PRKCQ: variants seen among roughly 807,000 people sequenced by gnomAD.
The protein encoded by PRKCQ is protein kinase C theta.
Under a neutral mutation model 91.2 loss-of-function variants are expected in PRKCQ, and 41 were observed. The observed-to-expected ratio is 0.45, with a 90% CI of 0.35 to 0.58. The LOEUF (loss-of-function observed/expected upper bound fraction) is 0.58, where lower values mean the gene tolerates loss of function less well. PRKCQ is among the 20% of genes least tolerant of loss of function. The pLI, the probability that PRKCQ is intolerant of heterozygous loss-of-function variation, is 0.00. For synonymous variants in PRKCQ, 307 were observed against 316.9 expected, an observed-to-expected ratio of 0.97 and a Z score of 0.33; for missense variants, 673 against 896.5, an observed-to-expected ratio of 0.75 and a Z score of 3.18.
At position 6,507,946 on chromosome 10, in the gene PRKCQ, T is replaced by C. The variant is rs185027866; in HGVS notation, c.319-450A>G. 2.5e-4 allele frequency among the ~76,000 whole-genome samples: 38 copies of C among 152,272 alleles called. No homozygotes were observed. The East Asian group carries it at 6.2e-3, about 25-fold the overall frequency. Reference sequence around the variant, plus strand: ...GCCGCCTCCAGGCCCCTGTCTTCTTTTCTACCTGGGATGCATGTCTAGGTT... The same window carrying C: ...GCCGCCTCCAGGCCCCTGTCTTCTTCTCTACCTGGGATGCATGTCTAGGTT... On this transcript the variant is annotated intron_variant, in intron 3 of 17. Coordinates refer to ENST00000263125, the MANE Select transcript of PRKCQ (RefSeq NM_006257.5).
intron 15 of PRKCQ, among the ~76,000 whole-genome samples, chr10:6,445,850 A>G (rs912123064): frequency 6.6e-6 from 1 of 152,072 alleles, no homozygotes; most frequent in South Asian, 2.1e-4. Context: ...GACACATGCA[A>G]TTTCCGAGAC....
In PRKCQ at chr10:6,576,960, TATAA is replaced by T. The variant is rs1339222544; in HGVS notation, c.-10+3247_-10+3250del. Among the ~76,000 whole-genome samples, 1 of 152,180 alleles carries T rather than the reference TATAA, an allele frequency of 6.6e-6. No individual in the cohort carries two copies. The highest frequency in any genetic ancestry group is 2.4e-5 in the African/African-American group (1 of 41,444). On this transcript the variant is annotated intron_variant, in intron 1 of 17. Transcript: ENST00000263125. This position sits in a 1 kb window ranked among gnomAD's most constrained non-coding sequence, Gnocchi z 4.2. ...AAATGAAGCAGTAATGCCTCTTACATATAAATAAAATTCTGAGTATGATATACAG... is the reference window on the plus strand; with the variant it reads ...AAATGAAGCAGTAATGCCTCTTACATATAAAATTCTGAGTATGATATACAG...
chr10:6,536,433 C>T (rs1839584455), intron 1 of PRKCQ, among the ~76,000 whole-genome samples: 1 of 152,102 alleles, frequency 6.6e-6, no homozygotes, highest in Non-Finnish European at 1.5e-5. Context: ...ACTTGGGAGC[C>T]CTATGACAGC....
At chr10:6,550,197 T>A (rs1273860449) in intron 1 of PRKCQ, among the ~76,000 whole-genome samples, 4 of 152,206 alleles carry the variant, frequency 2.6e-5, no homozygotes, top group African/African-American at 9.7e-5. Context: ...TCACCTAACA[T>A]AATTTCCTCA....
chr10:6,522,233 C>T (rs546429862), intron 1 of PRKCQ, among the ~76,000 whole-genome samples: 2 of 152,164 alleles, frequency 1.3e-5, no homozygotes, highest in African/African-American at 2.4e-5. Flanking sequence ...TGAGCCATCG[C>T]GCCCGGCCCC....
chr10:6,472,487 AT>A (rs772279583), intron 12 of PRKCQ, among the ~76,000 whole-genome samples: 7 of 152,228 alleles, frequency 4.6e-5, no homozygotes, highest in Non-Finnish European at 1.0e-4. Context: ...TGCAACATTA[AT>A]TTCCCATAAA....
chr10:6,501,327 T>C (rs976511123), intron 4 of PRKCQ, among the ~76,000 whole-genome samples: 1 of 152,064 alleles, frequency 6.6e-6, no homozygotes, highest in Non-Finnish European at 1.5e-5. Context: ...AGATGCATAA[T>C]GCAGTATGTC....
At chr10:6,420,284 G>A in the PRKCQ span, among the ~76,000 whole-genome samples, 88 of 152,282 alleles carry the variant, frequency 5.8e-4, no homozygotes, top group African/African-American at 1.9e-3. Flanking sequence ...CCATGCCTTC[G>A]AATCTGTGAG....
chr10:6,437,268 T>C (rs1833741781), intron 16 of PRKCQ, among the ~76,000 whole-genome samples: 1 of 152,166 alleles, frequency 6.6e-6, no homozygotes, highest in Admixed American at 6.5e-5. Context: ...AATGAGGTCA[T>C]GGGGTAAGGT....
chr10:6,437,036 G>T (rs1285922305), intron 16 of PRKCQ, among the ~76,000 whole-genome samples: 1 of 152,158 alleles, frequency 6.6e-6, no homozygotes, highest in African/African-American at 2.4e-5. Context: ...CTCCACCTTG[G>T]GACTCACTTG....
At chr10:6,562,286 G>A (rs533276432) in intron 1 of PRKCQ, among the ~76,000 whole-genome samples, 2 of 152,176 alleles carry the variant, frequency 1.3e-5, no homozygotes, top group Non-Finnish European at 2.9e-5. Flanking sequence ...TCCCTCACAA[G>A]TTTTCCCTGA....
intron 4 of PRKCQ, among the ~76,000 whole-genome samples, chr10:6,500,209 C>T (rs1237540349): frequency 6.6e-6 from 1 of 152,066 alleles, no homozygotes; most frequent in Non-Finnish European, 1.5e-5. Flanking sequence ...CAACTTGTGA[C>T]TAGTATAGTA....
the PRKCQ span, among the ~76,000 whole-genome samples, chr10:6,417,186 G>C: frequency 6.6e-6 from 1 of 152,206 alleles, no homozygotes; most frequent in South Asian, 2.1e-4. Context: ...GGAGAGGGTC[G>C]AGGAGGAAAA....
Position 6,540,752 on chromosome 10 carries a change from A to C in PRKCQ, c.-9-25608T>G, listed in dbSNP as rs544749015. On this transcript the variant is annotated intron_variant, in intron 1 of 17. Transcript: ENST00000263125. ...TCAACTATTTTGAGAATACCCAGGA[A>C]TGGAATTGCTAGATCATGTGGTAAC... Among the ~76,000 whole-genome samples the C allele has an allele frequency of 2.6e-5, 4 of 152,360 alleles. No individual in the cohort carries two copies. In the South Asian group the frequency reaches 6.2e-4, roughly 24 times the overall value.
At chr10:6,534,183 G>T (rs1262647629) in intron 1 of PRKCQ, among the ~76,000 whole-genome samples, 1 of 152,046 alleles carries the variant, frequency 6.6e-6, no homozygotes, top group Non-Finnish European at 1.5e-5. Flanking sequence ...GTTATCAAGG[G>T]CCAATAAAAC....
chr10:6,496,451 C>A (rs1837607969), intron 7 of PRKCQ, among the ~76,000 whole-genome samples: 2 of 152,040 alleles, frequency 1.3e-5, no homozygotes, highest in Non-Finnish European at 2.9e-5. Flanking sequence ...TTATCTCTAA[C>A]CTTGTAAATG....
chr10:6,423,260 C>T (rs940795566), downstream of PRKCQ, among the ~76,000 whole-genome samples: 3 of 152,214 alleles, frequency 2.0e-5, no homozygotes, highest in Admixed American at 1.3e-4. Flanking sequence ...GTCAGCCAGC[C>T]TGGTGCTCAC....
the PRKCQ span, among the ~76,000 whole-genome samples, chr10:6,395,670 G>A: frequency 2.0e-5 from 3 of 152,136 alleles, no homozygotes; most frequent in South Asian, 2.1e-4. Context: ...GGGTATTATC[G>A]TCTTTGTTTT....
At position 6,430,954 on chromosome 10, in the gene PRKCQ, G is replaced by A; in HGVS notation, c.1837-16C>T. The A allele has an allele frequency of 1.9e-6, 3 of 1,613,220 alleles. No homozygotes were observed. Among genetic ancestry groups the A allele is most frequent in the Non-Finnish European group, 2.5e-6 (3 of 1,179,580 alleles). On this transcript the variant is annotated splice_polypyrimidine_tract_variant and intron_variant, in intron 16 of 17. Coordinates refer to ENST00000263125, the MANE Select transcript of PRKCQ (RefSeq NM_006257.5). This position sits in a 1 kb window ranked among gnomAD's most constrained non-coding sequence, Gnocchi z 4.7. Reference sequence around the variant, plus strand: ...GCACGAAGAGCTGAAAGGGAGCAGAGCAGGAGCCCTGAGGTCTCCAGGGAT... The same window carrying A: ...GCACGAAGAGCTGAAAGGGAGCAGAACAGGAGCCCTGAGGTCTCCAGGGAT...
Sources: gnomAD v4.1 joint callset for allele counts (sites outside exome capture counted in the v4.1 genomes callset) on GRCh38, gnomAD v4.1.1 for gene constraint, Gnocchi (gnomAD v3.1) non-coding constraint, MANE v1.5 for transcripts, NCBI Gene and HGNC (gene_info 2026-07-23, HGNC 2026-07-21) for gene names.